Variants in SGCE observed in about 807,000 individuals in gnomAD.
The protein encoded by SGCE is sarcoglycan epsilon, also known as epsilon-sarcoglycan.
In SGCE, 26 loss-of-function variants were observed where a neutral mutation model predicts 57.8. The ratio of observed to expected loss-of-function variants is 0.45; its 90% CI spans 0.33 to 0.62. The LOEUF is 0.62. SGCE is among the 20% of genes least tolerant of loss of function. The probability of loss-of-function intolerance (pLI) is 0.02; values close to 1 mark genes in which losing one functional copy is unlikely to be tolerated. For missense variants in SGCE, 468 were observed against 548.6 expected (o/e 0.85, Z 1.47); for synonymous variants, 183 against 189.5 (o/e 0.97, Z 0.28).
intron 1 of SGCE, among the ~76,000 whole-genome samples, chr7:94,645,151 A>T (rs1454769130): frequency 6.6e-6 from 1 of 152,198 alleles, no homozygotes; most frequent in Non-Finnish European, 1.5e-5. Flanking sequence ...ACACATCAAT[A>T]CTACCCCCAA....
At chr7:94,603,138 A>T (rs879929339) in intron 6 of SGCE, 152 bp downstream of exon 6, 9 of 624,654 alleles carry the variant, frequency 1.4e-5, no homozygotes, top group Non-Finnish European at 2.5e-5. Flanking sequence ...TGCACTGTCA[A>T]CGAGCTTACC....
rs777023291 is a variant in SGCE, at chr7:94,600,776, G to A, written c.907C>T (p.Pro303Ser). 3 of 1,613,598 alleles carry A rather than the reference G, an allele frequency of 1.9e-6. No homozygotes were observed. The highest frequency in any genetic ancestry group is 2.5e-6 in the Non-Finnish European group (3 of 1,179,794). The change falls in exon 7 of 11, where the codon CCC becomes TCC. Residue 303 changes from proline (P) to serine (S), a missense_variant. Transcript: ENST00000648936. ...GILPDGGEYK[P>S]PSDSLKSRDY... ...CTGCTTTTCAAAGAATCAGAAGGGG[G>A]TTTGTATTCTCCACCATCAGGTAAA...
chr7:94,591,304 T>A lies in SGCE; in HGVS notation c.1254-2572A>T, dbSNP rs553542204. ...ATCTCACACAGGGTGGGAGGATGTG[T>A]TTTATTTTACCTACTCAGGTATAAC... On this transcript the variant is annotated intron_variant, in intron 9 of 10. Coordinates refer to ENST00000648936, the MANE Select transcript of SGCE (RefSeq NM_003919.3). Among the ~76,000 whole-genome samples the A allele has an allele frequency of 4.6e-5, 7 of 152,236 alleles. No homozygotes were observed. The South Asian group carries it at 1.4e-3, about 32-fold the overall frequency.
At chr7:94,605,615 A>T (rs1257572909) in intron 5 of SGCE, among the ~76,000 whole-genome samples, 2 of 152,146 alleles carry the variant, frequency 1.3e-5, no homozygotes, top group Non-Finnish European at 2.9e-5. Context: ...GTGAATTTGG[A>T]TTGGTTATAT....
chr7:94,588,892 CTG>C (rs1449194226), intron 9 of SGCE, 160 bp from the exon 10 acceptor site: 27 of 699,384 alleles, frequency 3.9e-5, no homozygotes, highest in Non-Finnish European at 5.4e-5. Context: ...GATGAGGAAA[CTG>C]AGGTCTGAGG....
chr7:94,598,900 C>G lies in SGCE; in HGVS notation c.1128G>C (p.Lys376Asn). ...KSTKELRDMS[K>N]NREIAWPLST... is the part of the protein sequence containing the mutation. ...ACAGGGGCCATGCTATCTCTCTATT[C>G]TTGGACATGTCTCGAAGCTCCTTGG... Residue 376 changes from lysine (K) to asparagine (N), a missense_variant, in exon 9 of 11, where the codon AAG (lysine) becomes AAC (asparagine). By Grantham distance (94) the Lys-to-Asn change is moderately conservative. Transcript: ENST00000648936. 1.2e-6 allele frequency: 2 copies of G among 1,613,820 alleles called. No individual in the cohort carries two copies. The highest frequency in any genetic ancestry group is 1.7e-6 in the Non-Finnish European group (2 of 1,179,806).
chr7:94,644,503 A>G (rs185640729), intron 1 of SGCE: 35 of 416,554 alleles, frequency 8.4e-5, no homozygotes, highest in African/African-American at 5.9e-4. Context: ...GCTAATCAGA[A>G]TATCAAGGAA....
chr7:94,623,416 C>A lies in SGCE; in HGVS notation c.391-19G>T. On this transcript the variant is annotated intron_variant, in intron 3 of 10. Transcript: ENST00000648936. Reference sequence around the variant, plus strand: ...CAGTTATCTATTATAAAAGGAAAACCATATTAAAGAAGTGAAATGTTCTTT... The same window carrying A: ...CAGTTATCTATTATAAAAGGAAAACAATATTAAAGAAGTGAAATGTTCTTT... 6.7e-7 allele frequency: 1 copy of A among 1,497,026 alleles called. No individual in the cohort carries two copies. The highest frequency in any genetic ancestry group is 9.3e-7 in the Non-Finnish European group (1 of 1,077,442). The allele number at this position is 1,497,026 out of a possible 1,614,324, so 92.7% of individuals were successfully genotyped here.
chr7:94,589,166 T>A (rs1797308422), intron 9 of SGCE: 1 of 195,004 alleles, frequency 5.1e-6, no homozygotes, highest in South Asian at 1.0e-4. Context: ...ACCACCTTCA[T>A]TCACTATCCC....
rs547166912 is a variant in SGCE at position 94,591,041 on chromosome 7, C to A, written c.1254-2309G>T. On this transcript the variant is annotated intron_variant, in intron 9 of 10. Coordinates refer to ENST00000648936, the MANE Select transcript of SGCE (RefSeq NM_003919.3). ...TTGAGGAAGTTACTTAATAATTCAT[C>A]CCGACGATTATATTCGTTTTTATTG... Among the ~76,000 whole-genome samples the A allele has an allele frequency of 7.9e-5, 12 of 152,216 alleles. 1 individual carries two copies. In the East Asian group the frequency reaches 1.7e-3, roughly 22 times the overall value.
intron 1 of SGCE, among the ~76,000 whole-genome samples, chr7:94,641,435 T>C (rs1806363499): frequency 6.6e-6 from 1 of 152,146 alleles, no homozygotes; most frequent in South Asian, 2.1e-4. Flanking sequence ...TTAGTAGGGA[T>C]GACATATTTT....
At chr7:94,588,595 G>T in intron 10 of SGCE, 94 bp downstream of exon 10, 1 of 1,553,306 alleles carries the variant, frequency 6.4e-7, no homozygotes, top group Non-Finnish European at 8.7e-7. Flanking sequence ...CTTATTTGGT[G>T]AAGATAAAGC....
chr7:94,654,182 T>A (rs1052970415), intron 1 of SGCE, among the ~76,000 whole-genome samples: 7 of 152,162 alleles, frequency 4.6e-5, no homozygotes, highest in African/African-American at 1.7e-4. Flanking sequence ...TGACCTGAAA[T>A]TACTTTTATT....
At chr7:94,631,341 G>A (rs1003131660) in intron 1 of SGCE, among the ~76,000 whole-genome samples, 2 of 151,556 alleles carry the variant, frequency 1.3e-5, no homozygotes, top group Admixed American at 1.3e-4. Context: ...TACCCTGAAT[G>A]TGAGGTGCTA....
At chr7:94,628,702 C>G (rs886533506) in intron 2 of SGCE, 3 of 246,156 alleles carry the variant, frequency 1.2e-5, no homozygotes, top group African/African-American at 6.9e-5. Context: ...CATTCTTTTG[C>G]GAAATATTCC....
chr7:94,603,505 A>G, intron 5 of SGCE, 53 bp from the exon 6 acceptor site: 1 of 1,535,060 alleles, frequency 6.5e-7, no homozygotes, highest in South Asian at 1.1e-5. Flanking sequence ...GAAAACACTA[A>G]AAAACAATCC....
chr7:94,630,833 AACC>A (rs1804584979), intron 1 of SGCE, among the ~76,000 whole-genome samples: 1 of 151,940 alleles, frequency 6.6e-6, no homozygotes, highest in Admixed American at 6.6e-5. Context: ...TAACCTTATG[AACC>A]ACAAGGCTGC....
chr7:94,608,039 T>C (rs1345777390), intron 5 of SGCE, among the ~76,000 whole-genome samples: 2 of 151,926 alleles, frequency 1.3e-5, no homozygotes, highest in Non-Finnish European at 2.9e-5. Context: ...CATGAACAGG[T>C]AGAACTTGAA....
At chr7:94,591,604 T>C (rs1797681066) in intron 9 of SGCE, among the ~76,000 whole-genome samples, 1 of 148,010 alleles carries the variant, frequency 6.8e-6, no homozygotes, top group African/African-American at 2.4e-5. Flanking sequence ...AATCAGCATT[T>C]GGATGAGGTA....
Sources: gnomAD v4.1 joint callset for allele counts (sites outside exome capture counted in the v4.1 genomes callset) on GRCh38, gnomAD v4.1.1 for gene constraint, MANE v1.5 for transcripts, NCBI Gene and HGNC (gene_info 2026-07-23, HGNC 2026-07-21) for gene names.